TACC1: variants seen among roughly 807,000 people sequenced by gnomAD.
TACC1 encodes transforming acidic coiled-coil-containing protein 1.
In TACC1, 48 loss-of-function variants were observed where a neutral mutation model predicts 84.4. The ratio of observed to expected loss-of-function variants is 0.57; its 90% confidence interval spans 0.45 to 0.72. TACC1 has a LOEUF of 0.72. TACC1 is among the 30% of genes least tolerant of loss of function. The pLI, the probability that TACC1 is intolerant of heterozygous loss-of-function variation, is 0.00. For synonymous variants in TACC1, 372 were observed against 376.3 expected (o/e 0.99, Z 0.13); for missense variants, 920 against 973.0 (o/e 0.95, Z 0.72).
chr8:38,788,586 G>C (rs367950042), intron 1 of TACC1, 118 bp from the exon 2 acceptor site: 3 of 765,386 alleles, frequency 3.9e-6, no homozygotes, highest in Non-Finnish European at 6.5e-6. Flanking sequence ...GCTGAGGACC[G>C]GTTGGTTGTG....
At chr8:38,837,731 A>G (rs376565086) in intron 7 of TACC1, among the ~76,000 whole-genome samples, 11 of 152,250 alleles carry the variant, frequency 7.2e-5, no homozygotes, top group Admixed American at 3.9e-4. Flanking sequence ...TTGAGATCCT[A>G]ATAAATATAA....
Position 38,774,025 on chromosome 8 carries a change from C to T in TACC1, c.27-14679C>T, listed in dbSNP as rs113566864. Among the ~76,000 whole-genome samples, 951 of 152,312 alleles carry T rather than the reference C, an allele frequency of 6.2e-3. 9 individuals carry two copies. Among genetic ancestry groups the T allele is most frequent in the African/African-American group, 0.021 (891 of 41,560 alleles). ...GTCATGCCTTGTGCCTCTCCCACTT[C>T]ACCAGCCTAAGCCCCTCTCCTCCCT... is the stretch of plus-strand genomic sequence containing the variant. On this transcript the variant is annotated intron_variant, in intron 3 of 14. Coordinates refer to the TACC1 transcript ENST00000518415.
In TACC1 at chr8:38,843,361, G is replaced by A; in HGVS notation, c.2194G>A (p.Ala732Thr). The A allele has an allele frequency of 1.2e-6, 2 of 1,609,200 alleles. No homozygotes were observed. Among genetic ancestry groups the A allele is most frequent in the Admixed American group, 1.7e-5 (1 of 59,302 alleles). ...TAAACAAGAGGAGCAGCGATACCAG[G>A]CCCTGAAAATCCACGCAGAAGAGAA... ...RVKQEEQRYQALKIHAEEKLD... is the reference protein window; with the variant it reads ...RVKQEEQRYQTLKIHAEEKLD... Residue 732 changes from alanine to threonine, a missense_variant, in exon 11 of 13, where the codon GCC becomes ACC. By Grantham distance (58) the Ala-to-Thr change is moderately conservative (BLOSUM62 0). This residue lies in a region of TACC1 where 158 missense variants were observed against 225.6 expected (regional missense o/e 0.70). Coordinates refer to ENST00000317827, the MANE Select transcript of TACC1 (RefSeq NM_006283.3).
intron 11 of TACC1, chr8:38,846,216 G>A (rs1287103953): frequency 2.7e-5 from 4 of 147,324 alleles, no homozygotes; most frequent in Non-Finnish European, 6.0e-5. Context: ...CCCGGGAGGC[G>A]GAGCTTGCAG....
rs6997066 is a variant in TACC1 at position 38,846,678 on chromosome 8, A to G, written c.2229-21A>G. On this transcript the variant is annotated intron_variant, in intron 11 of 12. Transcript: ENST00000317827. ...ATCATGTGCTTTTTGTCTCTTTATT[A>G]CACCCAAACACCATAAACAGAGCCA... 1.5e-5 allele frequency: 24 copies of G among 1,613,064 alleles called. No individual in the cohort carries two copies. In the Middle Eastern group the frequency reaches 4.9e-4, roughly 33 times the overall value.
rs61730245 is a variant in TACC1, at chr8:38,820,061, G to A, written c.817G>A (p.Glu273Lys). ...SYHFSPEELD[E>K]NTSPLLGDAR... ...TCACTTCAGTCCTGAAGAGTTGGAT[G>A]AGAACACAAGTCCTTTGCTAGGAGA... Residue 273 changes from glutamate (E) to lysine (K), a missense_variant, in exon 3 of 13, where the codon GAG becomes AAG. By Grantham distance (56) the Glu-to-Lys change is moderately conservative. This residue lies in a region of TACC1 where 762 missense variants were observed against 747.3 expected (regional missense o/e 1.02). Transcript: ENST00000317827. 553 of 1,614,026 alleles carry A rather than the reference G, an allele frequency of 3.4e-4. No homozygotes were observed. The highest frequency in any genetic ancestry group is 4.2e-4 in the Non-Finnish European group (491 of 1,180,044).
intron 1 of TACC1, chr8:38,787,994 C>T: frequency 4.0e-6 from 2 of 499,660 alleles, no homozygotes; most frequent in Non-Finnish European, 3.5e-6. Context: ...TCCGCATCCC[C>T]GCTGGCCTCG....
chr8:38,780,394 G>A (rs1198945926), intron 3 of TACC1, among the ~76,000 whole-genome samples: 2 of 151,702 alleles, frequency 1.3e-5, no homozygotes, highest in Admixed American at 6.6e-5. Context: ...ATAGAGTCTC[G>A]CTCTGTTGCC....
At chr8:38,777,443 C>A (rs961368313) in intron 3 of TACC1, among the ~76,000 whole-genome samples, 1 of 152,146 alleles carries the variant, frequency 6.6e-6, no homozygotes, top group Non-Finnish European at 1.5e-5. Context: ...CAGTTCACAA[C>A]TTTTCGGCCG....
intron 1 of TACC1, among the ~76,000 whole-genome samples, chr8:38,739,851 A>C (rs2151665187): frequency 6.6e-6 from 1 of 152,364 alleles, no homozygotes; most frequent in South Asian, 2.1e-4. Flanking sequence ...TCAGGCTGTG[A>C]TGCAGGAAAA....
chr8:38,816,313 A>G (rs759222451), intron 2 of TACC1, among the ~76,000 whole-genome samples: 9 of 152,206 alleles, frequency 5.9e-5, no homozygotes, highest in Non-Finnish European at 1.3e-4. Flanking sequence ...AAAAAATCTC[A>G]GATAATTTAG....
intron 3 of TACC1, among the ~76,000 whole-genome samples, chr8:38,773,405 AT>A (rs1359011790): frequency 6.7e-6 from 1 of 148,296 alleles, no homozygotes; most frequent in African/African-American, 2.4e-5. Context: ...TATAATATAA[AT>A]TTTTATATTT....
chr8:38,810,371 C>T (rs1203924537), intron 2 of TACC1, among the ~76,000 whole-genome samples: 2 of 152,044 alleles, frequency 1.3e-5, no homozygotes, highest in Non-Finnish European at 2.9e-5. Context: ...GAAGCTAAGG[C>T]AGAAAGATCA....
rs3802249 is a variant in TACC1, at chr8:38,848,879, G to C, written c.*856G>C. ...CAATATGGGACTCCCTCCAAGCTAG[G>C]GTTTGGCAAGTCTGCCCTAGAGTCA... On this transcript the variant is annotated 3_prime_UTR_variant, in exon 13 of 13. Transcript: ENST00000317827. The C allele has an allele frequency of 0.091, 13,906 of 152,078 alleles. 821 individuals carry two copies. Among genetic ancestry groups the C allele is most frequent in the East Asian group, 0.26 (1,326 of 5,178 alleles). 9.4% of individuals were successfully genotyped at this position (152,078 alleles called of 1,614,324 possible).
chr8:38,753,555 T>C (rs559188505), intron 3 of TACC1, among the ~76,000 whole-genome samples: 1 of 152,356 alleles, frequency 6.6e-6, no homozygotes, highest in Admixed American at 6.5e-5. Context: ...TCTGCTTCCA[T>C]GAGAGGGACA....
In TACC1 at chr8:38,844,067, C is replaced by T. The variant is rs962487350; in HGVS notation, c.2228+672C>T. The stretch of plus-strand genomic sequence containing the variant: ...GCATCTCTTTTTTCTACAACTGTGC[C>T]AATAGGTCAACGTTTTTATTTTCTG... On this transcript the variant is annotated intron_variant, in intron 11 of 12. Coordinates refer to ENST00000317827, the MANE Select transcript of TACC1 (RefSeq NM_006283.3). Among the ~76,000 whole-genome samples, 10 of 152,076 alleles carry T rather than the reference C, an allele frequency of 6.6e-5. 1 individual carries two copies. Among genetic ancestry groups the T allele is most frequent in the African/African-American group, 2.4e-4 (10 of 41,398 alleles).
chr8:38,760,643 C>T (rs1811033542), intron 3 of TACC1, among the ~76,000 whole-genome samples: 1 of 152,072 alleles, frequency 6.6e-6, no homozygotes, highest in African/African-American at 2.4e-5. Context: ...CCTGCCTCAG[C>T]CTCCTGAGTA....
intron 3 of TACC1, among the ~76,000 whole-genome samples, chr8:38,745,884 C>T (rs1244106932): frequency 1.3e-5 from 2 of 152,170 alleles, no homozygotes; most frequent in Admixed American, 1.3e-4. Flanking sequence ...CTCACTCTGT[C>T]ACACAGGCTG....
chr8:38,842,258 T>C (rs771460734), intron 9 of TACC1, 29 bp from the exon 10 acceptor site: 8 of 1,602,460 alleles, frequency 5.0e-6, no homozygotes, highest in South Asian at 3.4e-5. Context: ...TGAATAAATA[T>C]GTCATTCCTT....
Sources: gnomAD v4.1 joint callset for allele counts (sites outside exome capture counted in the v4.1 genomes callset) on GRCh38, gnomAD v4.1.1 for gene constraint, gnomAD v4.1.1 regional missense constraint, MANE v1.5 for transcripts, NCBI Gene and HGNC (gene_info 2026-07-23, HGNC 2026-07-21) for gene names.